ATP8A1: variants seen among roughly 807,000 people sequenced by gnomAD.
The protein encoded by ATP8A1 is ATPase phospholipid transporting 8A1.
ATP8A1 carries 90 observed loss-of-function variants against 177.7 expected under a neutral mutation model. That is an observed-to-expected ratio of 0.51 (90% CI 0.43 to 0.60). The LOEUF is 0.60. Among genes scored for constraint, ATP8A1 ranks in the 20% least tolerant of loss-of-function variants. The pLI, the probability that ATP8A1 is intolerant of heterozygous loss-of-function variation, is 0.00. For missense variants in ATP8A1, 1,072 were observed against 1,392.8 expected (o/e 0.77, Z 3.67); for synonymous variants, 493 against 485.9 (o/e 1.01, Z -0.19).
At chr4:42,452,556 C>T (rs182140772) in intron 29 of ATP8A1, among the ~76,000 whole-genome samples, 45 of 152,208 alleles carry the variant, frequency 3.0e-4, no homozygotes, top group African/African-American at 1.0e-3. Flanking sequence ...GATATATACT[C>T]GTTATAGCCA....
chr4:42,473,413 AGGGAGCCTTGCCAAT>A (rs1295896610), intron 25 of ATP8A1, among the ~76,000 whole-genome samples: 4 of 152,124 alleles, frequency 2.6e-5, no homozygotes, highest in African/African-American at 4.8e-5. Flanking sequence ...CTCTCTATTT[AGGGAGCCTTGCCAAT>A]GGGACTGGTG....
At chr4:42,519,156 C>T (rs1725861704) in intron 22 of ATP8A1, among the ~76,000 whole-genome samples, 1 of 152,154 alleles carries the variant, frequency 6.6e-6, no homozygotes, top group Admixed American at 6.6e-5. Flanking sequence ...GGTACTTTCA[C>T]AGCTCACAGC....
At chr4:42,552,469 C>T in intron 17 of ATP8A1, 36 bp downstream of exon 17, 1 of 1,511,234 alleles carries the variant, frequency 6.6e-7, no homozygotes. Context: ...GAACAATTTT[C>T]CACAAAACAA....
In ATP8A1 at chr4:42,657,039, A is replaced by G. The variant is rs374636805; in HGVS notation, c.-166T>C. The G allele has an allele frequency of 5.6e-4, 348 of 617,436 alleles. 2 individuals are homozygous for G. The East Asian group carries it at 0.01, about 19-fold the overall frequency. 38.2% of individuals were successfully genotyped at this position (617,436 alleles called of 1,614,324 possible). Reference sequence around the variant, plus strand: ...CGCCGGGCGCGGCCCCCGCACGCCGACAGGAGGAGGAGAAAGGCAGCGGTG... The same window carrying G: ...CGCCGGGCGCGGCCCCCGCACGCCGGCAGGAGGAGGAGAAAGGCAGCGGTG... On this transcript the variant is annotated 5_prime_UTR_variant, in exon 1 of 37. Transcript: ENST00000381668.
intron 9 of ATP8A1, among the ~76,000 whole-genome samples, chr4:42,585,480 A>C (rs1733523256): frequency 6.7e-6 from 1 of 148,506 alleles, no homozygotes; most frequent in Non-Finnish European, 1.5e-5. Context: ...TCATGCCCTT[A>C]CAAAAGAGGT....
At chr4:42,555,553 G>A (rs1054360691) in intron 16 of ATP8A1, among the ~76,000 whole-genome samples, 24 of 152,146 alleles carry the variant, frequency 1.6e-4, no homozygotes, top group African/African-American at 4.6e-4. Context: ...GGCCAGGCAC[G>A]GTGACTCATG....
At chr4:42,483,001 G>A (rs1721848417) in intron 25 of ATP8A1, among the ~76,000 whole-genome samples, 1 of 152,186 alleles carries the variant, frequency 6.6e-6, no homozygotes, top group Non-Finnish European at 1.5e-5. Flanking sequence ...TTCTAATGGA[G>A]TAAAATAGAG....
rs1272966511 is a variant in ATP8A1, at chr4:42,531,011, T to G, written c.1723-6164A>C. ...GATTCAATTAAACTGGAAGTTAAGA[T>G]TGCCACCTGGACACTTTGGGCTCCT... On this transcript the variant is annotated intron_variant, in intron 20 of 36. Transcript: ENST00000381668. Among the ~76,000 whole-genome samples, 3 of 152,202 alleles carry G rather than the reference T, an allele frequency of 2.0e-5. No individual in the cohort carries two copies. The East Asian group carries it at 5.8e-4, about 29-fold the overall frequency.
intron 33 of ATP8A1, among the ~76,000 whole-genome samples, chr4:42,436,940 T>C (rs965906747): frequency 1.3e-5 from 2 of 152,256 alleles, no homozygotes; most frequent in Non-Finnish European, 2.9e-5. Context: ...TGTAGTTTAT[T>C]AATACCTTTC....
At chr4:42,472,913 A>T (rs1720607969) in intron 25 of ATP8A1, among the ~76,000 whole-genome samples, 1 of 152,170 alleles carries the variant, frequency 6.6e-6, no homozygotes, top group South Asian at 2.1e-4. Flanking sequence ...CCCAAATAAA[A>T]GTGGTTTCAA....
At chr4:42,622,878 G>C (rs989219929) in intron 4 of ATP8A1, among the ~76,000 whole-genome samples, 1 of 151,984 alleles carries the variant, frequency 6.6e-6, no homozygotes, top group Non-Finnish European at 1.5e-5. Flanking sequence ...GCATGGTGGC[G>C]CATGCCTGTA....
chr4:42,464,138 T>C (rs942711457), intron 27 of ATP8A1, among the ~76,000 whole-genome samples: 1 of 152,234 alleles, frequency 6.6e-6, no homozygotes, highest in Non-Finnish European at 1.5e-5. Flanking sequence ...TTTTATACAT[T>C]ATTAATAATG....
intron 1 of ATP8A1, among the ~76,000 whole-genome samples, chr4:42,654,765 T>C (rs1034456757): frequency 6.6e-6 from 1 of 152,192 alleles, no homozygotes; most frequent in Admixed American, 6.5e-5. Flanking sequence ...TAAGAATTGG[T>C]TGACCCTGGG....
At chr4:42,635,215 G>A (rs79049719) in intron 1 of ATP8A1, among the ~76,000 whole-genome samples, 3,750 of 152,036 alleles carry the variant, frequency 0.025, 65 homozygotes, top group South Asian at 0.061. Flanking sequence ...AGAAATGCAG[G>A]GGTGGTAGGT....
chr4:42,581,379 C>T lies in ATP8A1; in HGVS notation c.834+242G>A, dbSNP rs553895853. Among the ~76,000 whole-genome samples the T allele has an allele frequency of 2.6e-5, 4 of 152,262 alleles. No homozygotes were observed. The East Asian group carries it at 7.7e-4, about 29-fold the overall frequency. On this transcript the variant is annotated intron_variant, in intron 10 of 36. Coordinates refer to ENST00000381668, the MANE Select transcript of ATP8A1 (RefSeq NM_006095.2). Reference sequence around the variant, plus strand: ...TGATCTCCTGACCTTGTGATCCGCCCGCCTTGGCCTCCCAAAGTGCTGGGA... The same window carrying T: ...TGATCTCCTGACCTTGTGATCCGCCTGCCTTGGCCTCCCAAAGTGCTGGGA...
At chr4:42,535,888 A>G (rs1032679028) in intron 20 of ATP8A1, among the ~76,000 whole-genome samples, 1 of 152,228 alleles carries the variant, frequency 6.6e-6, no homozygotes, top group African/African-American at 2.4e-5. Context: ...TGAAATCAAG[A>G]TGGAAATTAA....
At chr4:42,556,200 A>G in intron 15 of ATP8A1, 160 bp from the exon 16 acceptor site, 1 of 449,708 alleles carries the variant, frequency 2.2e-6, no homozygotes, top group Non-Finnish European at 4.0e-6. Flanking sequence ...AGATTTCATG[A>G]TTGTATCACA....
intron 14 of ATP8A1, among the ~76,000 whole-genome samples, chr4:42,570,773 T>C (rs1001380472): frequency 3.3e-5 from 5 of 152,338 alleles, no homozygotes; most frequent in Middle Eastern, 6.8e-3. Context: ...TGCTATAACA[T>C]CTACCTGGTA....
chr4:42,474,792 G>A (rs553543306), intron 25 of ATP8A1, among the ~76,000 whole-genome samples: 2 of 152,140 alleles, frequency 1.3e-5, no homozygotes, highest in South Asian at 4.1e-4. Context: ...TCCTCCAAAG[G>A]GACATTAATG....
Sources: gnomAD v4.1 joint callset for allele counts (sites outside exome capture counted in the v4.1 genomes callset) on GRCh38, gnomAD v4.1.1 for gene constraint, MANE v1.5 for transcripts, NCBI Gene and HGNC (gene_info 2026-07-23, HGNC 2026-07-21) for gene names.